Variants in CNGA3 observed in about 807,000 individuals in gnomAD.
The protein encoded by CNGA3 is cyclic nucleotide-gated channel alpha-3.
Under a neutral mutation model 46.6 loss-of-function variants are expected in CNGA3, and 42 were observed. The ratio of observed to expected loss-of-function variants is 0.90; its 90% CI spans 0.70 to 1.17. CNGA3 has a LOEUF of 1.17. CNGA3 is among the 50% of genes most tolerant of loss of function. The pLI is 0.00. For missense variants in CNGA3, 893 were observed against 890.7 expected, an observed-to-expected ratio of 1.00 and a Z score of -0.03; for synonymous variants, 394 against 369.4, an observed-to-expected ratio of 1.07 and a Z score of -0.76.
intron 6 of CNGA3, among the ~76,000 whole-genome samples, chr2:98,391,474 C>T (rs948312105): frequency 2.6e-5 from 4 of 152,176 alleles, no homozygotes; most frequent in Non-Finnish European, 4.4e-5. Flanking sequence ...CTGTCTGTTC[C>T]ATTGTTAATC....
intron 1 of CNGA3, among the ~76,000 whole-genome samples, chr2:98,350,195 G>A (rs1691742598): frequency 6.6e-6 from 1 of 152,186 alleles, no homozygotes. Flanking sequence ...ATCATTCTGA[G>A]TCTCAGCTTC....
chr2:98,389,582 C>A, intron 5 of CNGA3, 76 bp from the exon 6 acceptor site: 1 of 1,329,168 alleles, frequency 7.5e-7, no homozygotes, highest in Non-Finnish European at 1.1e-6. Context: ...CCTGAAATTG[C>A]CCTAGGCTCT....
At chr2:98,362,400 C>A (rs1419456265) in intron 1 of CNGA3, among the ~76,000 whole-genome samples, 1 of 151,770 alleles carries the variant, frequency 6.6e-6, no homozygotes, top group African/African-American at 2.4e-5. Flanking sequence ...AGGCTGGTAT[C>A]GAACTCCTGA....
At chr2:98,383,088 G>C (rs1024193179) in intron 4 of CNGA3, among the ~76,000 whole-genome samples, 11 of 152,186 alleles carry the variant, frequency 7.2e-5, no homozygotes, top group African/African-American at 2.4e-4. Context: ...GGAATGGAAG[G>C]AAATTGAGTG....
At chr2:98,351,206 T>C (rs1404090066) in intron 1 of CNGA3, 1 of 152,274 alleles carries the variant, frequency 6.6e-6, no homozygotes, top group East Asian at 1.9e-4. Context: ...AGATTGCCTG[T>C]TGAAGTCCTG....
chr2:98,364,379 A>AAAATAAATAAATAAAT lies in CNGA3; in HGVS notation c.-37-5548_-37-5533dup, dbSNP rs58612453. 1.8e-3 allele frequency among the ~76,000 whole-genome samples: 271 copies of AAAATAAATAAATAAAT among 151,442 alleles called. 1 individual carries two copies. The highest frequency in any genetic ancestry group is 6.4e-3 in the African/African-American group (262 of 41,228). ...GGCAACAGAGCAAGACTCCATCTCA[A>AAAATAAATAAATAAAT]AAATAAATAAATAAATAAATAAATA... On this transcript the variant is annotated intron_variant, in intron 1 of 7. Transcript: ENST00000272602.
intron 3 of CNGA3, among the ~76,000 whole-genome samples, chr2:98,379,611 G>T (rs1267049850): frequency 6.6e-6 from 1 of 152,210 alleles, no homozygotes; most frequent in Non-Finnish European, 1.5e-5. Context: ...CAGGCCTGGG[G>T]AGAAAACTCT....
chr2:98,373,303 T>C (rs57989577), intron 2 of CNGA3, among the ~76,000 whole-genome samples: 429 of 152,350 alleles, frequency 2.8e-3, no homozygotes, highest in African/African-American at 9.8e-3. Context: ...AAATAGTGTT[T>C]GGACAAGTCA....
intron 3 of CNGA3, among the ~76,000 whole-genome samples, chr2:98,379,483 G>A (rs1238911415): frequency 6.6e-6 from 1 of 152,094 alleles, no homozygotes. Context: ...TCAGGCCCGT[G>A]TGTCTCAGAT....
rs553056613 is a variant in CNGA3 at position 98,396,572 on chromosome 2, A to C, written c.1402A>C (p.Ile468Leu). 1.5e-5 allele frequency: 24 copies of C among 1,614,006 alleles called. No individual in the cohort carries two copies. In the African/African-American group the frequency reaches 2.4e-4, roughly 16 times the overall value. The stretch of plus-strand genomic sequence containing the variant: ...CCTCCCAGACAAGCTGAAGGCTGAG[A>C]TCGCCATCAACGTGCACCTGGACAC... ...KSLPDKLKAE[I>L]AINVHLDTLK... The change falls in exon 8 of 8, where the codon ATC becomes CTC. Residue 468 changes from isoleucine (I) to leucine (L), a missense_variant. Coordinates refer to ENST00000272602, the MANE Select transcript of CNGA3 (RefSeq NM_001298.3).
chr2:98,396,249 C>T lies in CNGA3; in HGVS notation c.1079C>T (p.Thr360Ile). The T allele has an allele frequency of 6.2e-7, 1 of 1,613,702 alleles. No individual in the cohort carries two copies. The highest frequency in any genetic ancestry group is 8.5e-7 in the Non-Finnish European group (1 of 1,179,730). The change falls in exon 8 of 8, where the codon ACC (threonine) becomes ATC (isoleucine). Residue 360 changes from threonine to isoleucine, a missense_variant. Around this residue, in one of 3 missense-constraint regions of CNGA3, gnomAD observed 548 missense variants for 570.8 expected, o/e 0.96. Transcript: ENST00000272602. ...TACATTTACAGTCTCTACTGGTCCA[C>T]CTTGACCCTTACCACCATTGGTGAG... ...RKYIYSLYWS[T>I]LTLTTIGETP...
In CNGA3 at chr2:98,354,627, A is replaced by G. The variant is rs141681109; in HGVS notation, c.-38+8093A>G. ...TAGAGAGACACCATCTCTACAAAAAATTTAAAATATAGCTAGGCATGGTGG... is the reference window on the plus strand; with the variant it reads ...TAGAGAGACACCATCTCTACAAAAAGTTTAAAATATAGCTAGGCATGGTGG... On this transcript the variant is annotated intron_variant, in intron 1 of 7. Coordinates refer to ENST00000272602, the MANE Select transcript of CNGA3 (RefSeq NM_001298.3). Among the ~76,000 whole-genome samples, 29 of 152,246 alleles carry G rather than the reference A, an allele frequency of 1.9e-4. 1 individual carries two copies. In the East Asian group the frequency reaches 5.2e-3, roughly 27 times the overall value.
intron 1 of CNGA3, among the ~76,000 whole-genome samples, chr2:98,347,888 GCAAGAA>G: frequency 6.6e-6 from 1 of 152,220 alleles, no homozygotes; most frequent in East Asian, 1.9e-4. Flanking sequence ...ATGAAAACCA[GCAAGAA>G]TAGTGCTGTC....
chr2:98,372,613 A>G (rs868812879), intron 2 of CNGA3, among the ~76,000 whole-genome samples: 249 of 152,266 alleles, frequency 1.6e-3, no homozygotes, highest in African/African-American at 5.1e-3. Flanking sequence ...AAAGTTGCTC[A>G]GTGGCTCCAA....
intron 7 of CNGA3, among the ~76,000 whole-genome samples, chr2:98,394,733 T>C (rs1692867717): frequency 1.3e-5 from 2 of 152,176 alleles, no homozygotes; most frequent in Admixed American, 6.5e-5. Context: ...GAATAGAAAA[T>C]AGAATGTCTC....
chr2:98,385,062 A>T (rs566973909), intron 5 of CNGA3, among the ~76,000 whole-genome samples: 1 of 152,296 alleles, frequency 6.6e-6, no homozygotes, highest in Admixed American at 6.5e-5. Context: ...AGTTCTGTGT[A>T]GGGTTCTTTT....
intron 5 of CNGA3, among the ~76,000 whole-genome samples, chr2:98,384,947 C>T (rs985048153): frequency 6.6e-6 from 1 of 152,208 alleles, no homozygotes; most frequent in African/African-American, 2.4e-5. Flanking sequence ...ACACCTTCCC[C>T]GACTCTTCAC....
At position 98,367,176 on chromosome 2, in the gene CNGA3, C is replaced by CT. The variant is rs1182363811; in HGVS notation, c.-37-2755dup. 7.5e-4 allele frequency among the ~76,000 whole-genome samples: 87 copies of CT among 115,534 alleles called. 2 individuals carry two copies. The East Asian group carries it at 8.9e-3, about 12-fold the overall frequency. The allele number at this position is 115,534 out of a possible 152,430, so 75.8% of individuals were successfully genotyped here. ...ACCTCTGACATCAGCTGTTTTTTTT[C>CT]TTTTTTTTCTTTTTTTTTTTTTTTT... is the stretch of plus-strand genomic sequence containing the variant. On this transcript the variant is annotated intron_variant, in intron 1 of 7. Transcript: ENST00000272602.
intron 3 of CNGA3, chr2:98,378,349 A>G: frequency 1.0e-6 from 1 of 996,868 alleles, no homozygotes. Context: ...TCACCTTTTC[A>G]AATCTCATCT....
Sources: gnomAD v4.1 joint callset for allele counts (sites outside exome capture counted in the v4.1 genomes callset) on GRCh38, gnomAD v4.1.1 for gene constraint, gnomAD v4.1.1 regional missense constraint, MANE v1.5 for transcripts, NCBI Gene and HGNC (gene_info 2026-07-23, HGNC 2026-07-21) for gene names.